ATG14: variants seen among roughly 807,000 people sequenced by gnomAD.
ATG14 encodes autophagy related 14.
In ATG14, 35 loss-of-function variants were observed where a neutral mutation model predicts 60.4. That is an observed-to-expected ratio of 0.58 (90% CI 0.44 to 0.77). ATG14 has a LOEUF of 0.77. Ranked by LOEUF, ATG14 falls within the 30% of genes least tolerant of loss-of-function variation. The probability of loss-of-function intolerance (pLI) is 0.00; values close to 1 mark genes in which losing one functional copy is unlikely to be tolerated. For synonymous variants in ATG14, 234 were observed against 228.8 expected (o/e 1.02, Z -0.21); for missense variants, 647 against 626.3 (o/e 1.03, Z -0.35).
intron 9 of ATG14, among the ~76,000 whole-genome samples, chr14:55,371,547 C>T (rs758250591): frequency 3.3e-5 from 5 of 151,656 alleles, no homozygotes; most frequent in Non-Finnish European, 7.4e-5. Context: ...TGGCTCACAC[C>T]TGTAATCCCA....
chr14:55,375,129 G>A (rs1396602411), intron 9 of ATG14, among the ~76,000 whole-genome samples: 4 of 151,966 alleles, frequency 2.6e-5, no homozygotes, highest in African/African-American at 9.7e-5. Flanking sequence ...CTCCTCATAC[G>A]GTGTGTAGAG....
chr14:55,375,522 T>G (rs1421731226), intron 9 of ATG14, among the ~76,000 whole-genome samples: 3 of 149,232 alleles, frequency 2.0e-5, no homozygotes, highest in Non-Finnish European at 3.0e-5. Flanking sequence ...TTTTTTACTT[T>G]TTGTAGACAT....
Position 55,368,708 on chromosome 14 carries a change from C to T in ATG14, c.*911G>A, listed in dbSNP as rs997838589. Reference sequence around the variant, plus strand: ...AATCCCATAGAAAGAAAGTGGACACCACAAGAATGACCAGAGGCCACTTAA... The same window carrying T: ...AATCCCATAGAAAGAAAGTGGACACTACAAGAATGACCAGAGGCCACTTAA... On this transcript the variant is annotated 3_prime_UTR_variant, in exon 10 of 10. Transcript: ENST00000247178. The T allele has an allele frequency of 8.5e-5, 13 of 152,176 alleles. No individual in the cohort carries two copies. The highest frequency in any genetic ancestry group is 2.4e-4 in the African/African-American group (10 of 41,438). The allele number at this position is 152,176 out of a possible 1,614,324, so 9.4% of individuals were successfully genotyped here.
chr14:55,375,488 AAATTTTTTT>A (rs1488509755), intron 9 of ATG14, among the ~76,000 whole-genome samples: 1 of 111,538 alleles, frequency 9.0e-6, no homozygotes, highest in African/African-American at 3.9e-5. Flanking sequence ...ACGCCGGGCT[AAATTTTTTT>A]TTTTTTTTTT....
chr14:55,386,230 A>G, intron 4 of ATG14, 134 bp from the exon 5 acceptor site: 1 of 708,620 alleles, frequency 1.4e-6, no homozygotes, highest in South Asian at 2.1e-5. Context: ...TATAATGTTC[A>G]CTAAGTGGAA....
At chr14:55,386,158 C>T in intron 4 of ATG14, 62 bp from the exon 5 acceptor site, 1 of 1,349,628 alleles carries the variant, frequency 7.4e-7, no homozygotes, top group Non-Finnish European at 1.0e-6. Context: ...TACTGCAGAG[C>T]TCCACCCCAC....
At chr14:55,408,262 G>A (rs1044729442) in intron 1 of ATG14, among the ~76,000 whole-genome samples, 1 of 152,086 alleles carries the variant, frequency 6.6e-6, no homozygotes, top group Non-Finnish European at 1.5e-5. Context: ...AGACCAGCCT[G>A]GGCAACATGG....
chr14:55,390,231 C>T (rs188542240), intron 4 of ATG14, among the ~76,000 whole-genome samples: 9 of 152,028 alleles, frequency 5.9e-5, no homozygotes, highest in Admixed American at 1.3e-4. Context: ...CCACCACGCC[C>T]GGCTAATTTT....
chr14:55,399,461 A>G (rs1885364720), intron 1 of ATG14, among the ~76,000 whole-genome samples: 1 of 152,274 alleles, frequency 6.6e-6, no homozygotes, highest in Non-Finnish European at 1.5e-5. Flanking sequence ...TCAGAAACCA[A>G]TGTGGAATGT....
In ATG14 at chr14:55,382,031, G is replaced by A. The variant is rs758650346; in HGVS notation, c.808C>T (p.Leu270Phe). Residue 270 changes from leucine (L) to phenylalanine (F), a missense_variant, in exon 6 of 10, where the codon CTC becomes TTC. By Grantham distance (22) the Leu-to-Phe change is conservative. Transcript: ENST00000247178. The part of the protein sequence containing the change: ...SISITGPWIS[L>F]PNNGDYSAYY... Reference sequence around the variant, plus strand: ...GCAGAGTAGTCCCCATTGTTAGGGAGGCTAATCCAAGGCCCTGTAATGCTA... The same window carrying A: ...GCAGAGTAGTCCCCATTGTTAGGGAAGCTAATCCAAGGCCCTGTAATGCTA... 6.2e-7 allele frequency: 1 copy of A among 1,614,142 alleles called. No homozygotes were observed. The highest frequency in any genetic ancestry group is 2.2e-5 in the East Asian group (1 of 44,884).
intron 1 of ATG14, among the ~76,000 whole-genome samples, chr14:55,409,326 A>G (rs1885535535): frequency 6.6e-6 from 1 of 152,214 alleles, no homozygotes; most frequent in Non-Finnish European, 1.5e-5. Flanking sequence ...ATCATTCCAT[A>G]AATCTTTATT....
chr14:55,377,380 G>A (rs759748871), intron 9 of ATG14, among the ~76,000 whole-genome samples: 40 of 151,998 alleles, frequency 2.6e-4, no homozygotes, highest in Admixed American at 5.2e-4. Context: ...TTGTTACGAC[G>A]GACAAGGAGT....
At position 55,367,229 on chromosome 14, in the gene ATG14, C is replaced by G. The variant is rs944845011; in HGVS notation, c.*2390G>C. On this transcript the variant is annotated 3_prime_UTR_variant, in exon 10 of 10. Coordinates refer to ENST00000247178, the MANE Select transcript of ATG14 (RefSeq NM_014924.5). ...TCTCTCAGCTGAAGTCAGTCTCCACCACCAAGCTCCAAATCCCACTCTTAC... is the reference window on the plus strand; with the variant it reads ...TCTCTCAGCTGAAGTCAGTCTCCACGACCAAGCTCCAAATCCCACTCTTAC... 3 of 152,190 alleles carry G rather than the reference C, an allele frequency of 2.0e-5. No homozygotes were observed. Among genetic ancestry groups the G allele is most frequent in the South Asian group, 2.1e-4 (1 of 4,830 alleles). 9.4% of individuals were successfully genotyped at this position (152,190 alleles called of 1,614,324 possible).
intron 1 of ATG14, among the ~76,000 whole-genome samples, chr14:55,408,906 CAT>C (rs1238725354): frequency 5.3e-5 from 8 of 152,372 alleles, no homozygotes; most frequent in South Asian, 2.1e-4. Context: ...AGCCAAATCA[CAT>C]GAGGCTTCGT....
intron 1 of ATG14, among the ~76,000 whole-genome samples, chr14:55,404,826 A>G (rs1427818127): frequency 1.3e-5 from 2 of 152,216 alleles, no homozygotes; most frequent in African/African-American, 4.8e-5. Flanking sequence ...TCAGATCTAA[A>G]TGTGAACTTA....
rs1405012906 is a variant in ATG14, at chr14:55,369,436, TCA to T, written c.*181_*182del. 3 of 510,614 alleles carry T rather than the reference TCA, an allele frequency of 5.9e-6. No individual in the cohort carries two copies. Among genetic ancestry groups the T allele is most frequent in the Non-Finnish European group, 9.7e-6 (3 of 308,518 alleles). The allele number at this position is 510,614 out of a possible 1,614,324, so 31.6% of individuals were successfully genotyped here. On this transcript the variant is annotated 3_prime_UTR_variant, in exon 10 of 10. Coordinates refer to ENST00000247178, the MANE Select transcript of ATG14 (RefSeq NM_014924.5). Reference sequence around the variant, plus strand: ...CTCTTAATTATCATAAGCATGTTGGTCACCATCACAGGCCACTTGGCAAATAG... The same window carrying T: ...CTCTTAATTATCATAAGCATGTTGGTCCATCACAGGCCACTTGGCAAATAG...
chr14:55,393,605 G>A (rs1327841239), intron 3 of ATG14, among the ~76,000 whole-genome samples: 1 of 151,044 alleles, frequency 6.6e-6, no homozygotes, highest in Non-Finnish European at 1.5e-5. Flanking sequence ...GAGTATGGTG[G>A]TGTGATTACA....
rs577054702 is a variant in ATG14, at chr14:55,369,281, A to G, written c.*338T>C. Reference sequence around the variant, plus strand: ...ACCGCAAGGACCAGCACACTGACCCATATCTGTGGGCCCGGTGGCCCGGGC... The same window carrying G: ...ACCGCAAGGACCAGCACACTGACCCGTATCTGTGGGCCCGGTGGCCCGGGC... On this transcript the variant is annotated 3_prime_UTR_variant, in exon 10 of 10. Transcript: ENST00000247178. The G allele has an allele frequency of 2.2e-5, 4 of 186,004 alleles. No individual in the cohort carries two copies. Among genetic ancestry groups the G allele is most frequent in the East Asian group, 1.3e-4 (1 of 7,562 alleles). The allele number at this position is 186,004 out of a possible 1,614,324, so 11.5% of individuals were successfully genotyped here. A position where few individuals can be genotyped will look rare whatever the true frequency, so the allele number is the denominator to read the frequency against.
chr14:55,386,288 A>C (rs1162069287), intron 4 of ATG14, among the ~76,000 whole-genome samples, 192 bp from the exon 5 acceptor site: 2 of 152,202 alleles, frequency 1.3e-5, no homozygotes, highest in Non-Finnish European at 2.9e-5. Context: ...AGCAAAGAGA[A>C]CCATGATTAA....
Sources: gnomAD v4.1 joint callset for allele counts (sites outside exome capture counted in the v4.1 genomes callset) on GRCh38, gnomAD v4.1.1 for gene constraint, MANE v1.5 for transcripts, NCBI Gene and HGNC (gene_info 2026-07-23, HGNC 2026-07-21) for gene names.